The following FMN1 variants were observed in gnomAD, a reference collection of about 807,000 sequenced individuals.
FMN1 encodes the protein formin-1.
In FMN1, 110 loss-of-function variants were observed where a neutral mutation model predicts 132.4. The ratio of observed to expected loss-of-function variants is 0.83; its 90% CI spans 0.71 to 0.97. FMN1 has a LOEUF of 0.97. FMN1 is among the 50% of genes least tolerant of loss of function. FMN1 has a pLI of 0.00. For missense variants in FMN1, 1,792 were observed against 1,705.3 expected, an observed-to-expected ratio of 1.05 and a Z score of -0.90; for synonymous variants, 722 against 651.7, an observed-to-expected ratio of 1.11 and a Z score of -1.64.
chr15:33,070,839 TAAC>T (rs759668536), intron 5 of FMN1, among the ~76,000 whole-genome samples: 1 of 152,222 alleles, frequency 6.6e-6, no homozygotes, highest in African/African-American at 2.4e-5. Context: ...TTAATACAGA[TAAC>T]AACCATATTA....
intron 16 of FMN1, among the ~76,000 whole-genome samples, chr15:32,859,422 C>A (rs1021278379): frequency 6.6e-6 from 1 of 152,144 alleles, no homozygotes; most frequent in Non-Finnish European, 1.5e-5. Flanking sequence ...TTACATTATT[C>A]GGCATTCCCA....
intron 12 of FMN1, among the ~76,000 whole-genome samples, chr15:32,904,921 C>G (rs549840016): frequency 4.1e-4 from 63 of 152,294 alleles, no homozygotes; most frequent in Non-Finnish European, 6.9e-4. Context: ...AACACAGTAA[C>G]TCTCTTAAAT....
chr15:32,915,061 G>T (rs1410788426), intron 10 of FMN1, among the ~76,000 whole-genome samples: 1 of 152,308 alleles, frequency 6.6e-6, no homozygotes, highest in Non-Finnish European at 1.5e-5. Flanking sequence ...GCAATATCAA[G>T]AGATTGATAC....
intron 17 of FMN1, among the ~76,000 whole-genome samples, chr15:32,814,797 T>C (rs2058000285): frequency 6.6e-6 from 1 of 152,194 alleles, no homozygotes; most frequent in Non-Finnish European, 1.5e-5. Context: ...TGTATTCAAA[T>C]GCTTAGCACT....
chr15:32,974,598 T>C (rs2032052215), intron 7 of FMN1, among the ~76,000 whole-genome samples: 1 of 152,198 alleles, frequency 6.6e-6, no homozygotes. Context: ...ACACTGGTGC[T>C]CAGGCCCATC....
chr15:32,877,957 T>C (rs998342339), intron 16 of FMN1, among the ~76,000 whole-genome samples: 1 of 152,172 alleles, frequency 6.6e-6, no homozygotes, highest in African/African-American at 2.4e-5. Context: ...AAAAAGGTCA[T>C]ATATCTGCCT....
intron 16 of FMN1, among the ~76,000 whole-genome samples, chr15:32,867,544 C>A (rs1015829478): frequency 6.6e-6 from 1 of 151,662 alleles, no homozygotes; most frequent in African/African-American, 2.4e-5. Context: ...CGCTCTTTCA[C>A]CCAGGCTGGA....
intron 5 of FMN1, among the ~76,000 whole-genome samples, chr15:33,070,782 A>C (rs1200081208): frequency 6.6e-6 from 1 of 152,214 alleles, no homozygotes; most frequent in Non-Finnish European, 1.5e-5. Context: ...TTGAGGGTTG[A>C]CCATGTGCCA....
At chr15:33,163,127 A>G (rs1232896718) in intron 3 of FMN1, among the ~76,000 whole-genome samples, 1 of 151,908 alleles carries the variant, frequency 6.6e-6, no homozygotes, top group East Asian at 1.9e-4. Flanking sequence ...ACACTGCTTC[A>G]AAAAAAAGAT....
intron 13 of FMN1, among the ~76,000 whole-genome samples, chr15:32,901,467 A>G (rs1017652425): frequency 2.0e-5 from 3 of 152,208 alleles, no homozygotes; most frequent in Non-Finnish European, 4.4e-5. Context: ...TTCTTTGCCA[A>G]TGACTCACTG....
rs1566888327 is a variant in FMN1 at position 33,069,991 on chromosome 15, C to CTT, written c.2044-4918_2044-4917insAA. 2.5e-3 allele frequency among the ~76,000 whole-genome samples: 150 copies of CTT among 59,560 alleles called. 8 individuals are homozygous for CTT. In the East Asian group the frequency reaches 0.036, roughly 14 times the overall value. 39.1% of individuals were successfully genotyped at this position (59,560 alleles called of 152,430 possible). A position where few individuals can be genotyped will look rare whatever the true frequency, so the allele number is the denominator to read the frequency against. Reference sequence around the variant, plus strand: ...ACAACAGATCATAAGATCAGTCTTTCTCTTTTTTTTTTTTTTTTTTTTTTT... The same window carrying CTT: ...ACAACAGATCATAAGATCAGTCTTTCTTTCTTTTTTTTTTTTTTTTTTTTTTT... On this transcript the variant is annotated intron_variant, in intron 5 of 20. Transcript: ENST00000616417.
chr15:33,018,853 A>C (rs553576548), intron 6 of FMN1, among the ~76,000 whole-genome samples: 2 of 152,170 alleles, frequency 1.3e-5, no homozygotes, highest in South Asian at 4.1e-4. Context: ...TACAGCTCTT[A>C]AGGCAGCACG....
chr15:33,117,616 G>A (rs972369246), intron 4 of FMN1, among the ~76,000 whole-genome samples: 2 of 152,130 alleles, frequency 1.3e-5, no homozygotes, highest in Non-Finnish European at 2.9e-5. Flanking sequence ...TTATAGATAC[G>A]TGGAATGAGA....
intron 6 of FMN1, among the ~76,000 whole-genome samples, chr15:33,053,474 C>T (rs1566870399): frequency 1.3e-5 from 2 of 152,132 alleles, no homozygotes; most frequent in Non-Finnish European, 2.9e-5. Flanking sequence ...GCCGAGTAGA[C>T]GGGGTGCCCC....
intron 3 of FMN1, among the ~76,000 whole-genome samples, chr15:33,172,451 G>A (rs1312323044): frequency 6.6e-6 from 1 of 152,200 alleles, no homozygotes; most frequent in African/African-American, 2.4e-5. Context: ...CACATGCGGT[G>A]AGAGTGTTAT....
At chr15:33,047,769 C>G (rs902653460) in intron 6 of FMN1, among the ~76,000 whole-genome samples, 1 of 152,116 alleles carries the variant, frequency 6.6e-6, no homozygotes, top group Non-Finnish European at 1.5e-5. Context: ...TTCTGAAGAT[C>G]TGTTTTGCCT....
chr15:32,895,945 G>A (rs963500963), intron 15 of FMN1, among the ~76,000 whole-genome samples: 2 of 152,004 alleles, frequency 1.3e-5, no homozygotes, highest in Admixed American at 6.5e-5. Context: ...TGAACACTTC[G>A]AAAGGATTTT....
chr15:32,984,040 G>A (rs944945976), intron 7 of FMN1, among the ~76,000 whole-genome samples: 1 of 147,720 alleles, frequency 6.8e-6, no homozygotes, highest in African/African-American at 2.7e-5. Flanking sequence ...TTCTTCCCCT[G>A]TCTCTACAGC....
Position 32,878,003 on chromosome 15 carries a change from CAAAT to C in FMN1, c.3835+10165_3835+10168del, listed in dbSNP as rs1445534853. 3.4e-4 allele frequency among the ~76,000 whole-genome samples: 51 copies of C among 151,292 alleles called. 2 individuals carry two copies. The South Asian group carries it at 0.01, about 30-fold the overall frequency. On this transcript the variant is annotated intron_variant, in intron 16 of 20. Transcript: ENST00000616417. ...GGTGGAGGAAGAGAAAATTTACAAA[CAAAT>C]AAATAGAAAATAATATGAAATATGA...
Sources: allele counts gnomAD v4.1 joint callset (sites outside exome capture counted in the v4.1 genomes callset), GRCh38; gene constraint gnomAD v4.1.1; transcripts MANE v1.5; gene names NCBI Gene and HGNC (gene_info 2026-07-23, HGNC 2026-07-21).